The following MAMDC4 variants were observed in gnomAD, a reference collection of about 807,000 sequenced individuals.
The protein encoded by MAMDC4 is apical endosomal glycoprotein.
Under a neutral mutation model 153.3 loss-of-function variants are expected in MAMDC4, and 168 were observed. The ratio of observed to expected loss-of-function variants is 1.10; its 90% CI spans 0.97 to 1.25. The LOEUF is 1.25. Ranked by LOEUF, MAMDC4 falls within the 50% of genes most tolerant of loss-of-function variation. The probability of loss-of-function intolerance (pLI) is 0.00; values close to 1 mark genes in which losing one functional copy is unlikely to be tolerated. For missense variants in MAMDC4, 1,701 were observed against 1,542.8 expected (o/e 1.10, Z -1.72); for synonymous variants, 744 against 651.5 (o/e 1.14, Z -2.16).
At position 136,855,999 on chromosome 9, in the gene MAMDC4, C is replaced by T; in HGVS notation, c.1589-19C>T. The T allele has an allele frequency of 1.2e-6, 2 of 1,603,422 alleles. No individual in the cohort carries two copies. Among genetic ancestry groups the T allele is most frequent in the South Asian group, 1.1e-5 (1 of 89,892 alleles). On this transcript the variant is annotated intron_variant, in intron 13 of 26. Transcript: ENST00000317446. Reference sequence around the variant, plus strand: ...GCCCTGGAAGGGATGAGGCTCTGAGCACCATGCTCTTCCCCTAGGGCACTT... The same window carrying T: ...GCCCTGGAAGGGATGAGGCTCTGAGTACCATGCTCTTCCCCTAGGGCACTT...
rs1383747941 is a variant in MAMDC4 at position 136,853,356 on chromosome 9, C to A, written c.226C>A (p.Arg76=). The part of the protein sequence containing the change: ...CDFEQDPCGW[R]DISTSGYSWL... ...CTTCGAGCAGGACCCCTGCGGCTGG[C>A]GGGACATTAGTACCTCAGGCTACAG... Residue 76 remains arginine, a synonymous_variant, in exon 3 of 27, where the codon CGG becomes AGG. Transcript: ENST00000317446. The A allele has an allele frequency of 1.2e-6, 2 of 1,606,758 alleles. No individual in the cohort carries two copies. Among genetic ancestry groups the A allele is most frequent in the African/African-American group, 2.7e-5 (2 of 74,814 alleles).
rs1256651022 is a variant in MAMDC4 at position 136,856,826 on chromosome 9, G to A, written c.1837G>A (p.Gly613Ser). ...GPDHDHTTGQ[G>S]HFVLLDPTDP... ...TGACCACGACCACACCACAGGCCAA[G>A]GTAGGATGGGCGCTCAGACCGGGGG... The change falls in exon 15 of 27, where the codon GGC (glycine) becomes AGC (serine). Residue 613 changes from glycine (G) to serine (S), a missense_variant and splice_region_variant. By Grantham distance (56) the Gly-to-Ser change is moderately conservative (BLOSUM62 0). Transcript: ENST00000317446. 8 of 1,612,434 alleles carry A rather than the reference G, an allele frequency of 5.0e-6. No homozygotes were observed. The highest frequency in any genetic ancestry group is 6.8e-6 in the Non-Finnish European group (8 of 1,179,806).
chr9:136,853,041 G>T, intron 1 of MAMDC4, 61 bp from the exon 2 acceptor site: 1 of 1,427,474 alleles, frequency 7.0e-7, no homozygotes, highest in Non-Finnish European at 9.8e-7. Context: ...AATAGTCCTA[G>T]GCAGGCTGGG....
chr9:136,858,212 CG>C lies in MAMDC4; in HGVS notation c.2611del (p.Val871TrpfsTer120), dbSNP rs1564388477. The C allele has an allele frequency of 1.3e-6, 2 of 1,597,732 alleles. No homozygotes were observed. The highest frequency in any genetic ancestry group is 3.4e-5 in the Admixed American group (2 of 59,192). ...RVVFEAVAAG[V>X]AHSYVALDDL... is the part of the protein sequence containing the mutation. ...TGGTGTTTGAGGCAGTGGCCGCAGG[CG>C]TGGCACACTCCTACGTGGCTCTGGA... On this transcript the variant is annotated frameshift_variant, in exon 21 of 27. Transcript: ENST00000317446. LOFTEE classifies it high-confidence loss of function.
rs766926431 is a variant in MAMDC4 at position 136,853,904 on chromosome 9, C to T, written c.582C>T (p.Phe194=). 1.9e-6 allele frequency: 3 copies of T among 1,612,646 alleles called. No homozygotes were observed. In the Admixed American group the frequency reaches 5.0e-5, roughly 27 times the overall value. Residue 194 remains phenylalanine, a synonymous_variant, in exon 5 of 27, where the codon TTC becomes TTT. Transcript: ENST00000317446. ...CCACAGGCCGCATCCGGGGTGACTT[C>T]CGAGTGAGCTGGGAGGGTCTGGACG... ...AVTTGRIRGD[F]RVTFSATRNA... is the part of the protein sequence containing the mutation.
rs1362908120 is a variant in MAMDC4, at chr9:136,856,959, C to T, written c.1890C>T (p.Ala630=). Residue 630 remains alanine, a synonymous_variant, in exon 16 of 27, where the codon GCC becomes GCT. Coordinates refer to ENST00000317446, the MANE Select transcript of MAMDC4 (RefSeq NM_206920.3). ...PTDPLAWGHS[A]HLLSRPQVPA... ...ACCCCCTGGCCTGGGGCCACAGTGC[C>T]CACCTGCTCTCCAGGCCCCAGGTGC... is the stretch of plus-strand genomic sequence containing the variant. 6.2e-7 allele frequency: 1 copy of T among 1,612,262 alleles called. No homozygotes were observed. The highest frequency in any genetic ancestry group is 2.2e-5 in the East Asian group (1 of 44,862).
chr9:136,855,155 G>C, intron 10 of MAMDC4, 45 bp downstream of exon 10: 1 of 1,566,282 alleles, frequency 6.4e-7, no homozygotes, highest in African/African-American at 1.4e-5. Flanking sequence ...CGCACTGTGG[G>C]CAGGGGAGGG....
rs1317811271 is a variant in MAMDC4 at position 136,853,413 on chromosome 9, G to A, written c.283G>A (p.Glu95Lys). Reference sequence around the variant, plus strand: ...CCGAGACAGGGCAGGGGCCGCACTGGAGGGTCCTGGGCCTCACTCAGACCA... The same window carrying A: ...CCGAGACAGGGCAGGGGCCGCACTGAAGGGTCCTGGGCCTCACTCAGACCA... The part of the protein sequence containing the change: ...WLRDRAGAAL[E>K]GPGPHSDHTL... Residue 95 changes from glutamate to lysine, a missense_variant, in exon 3 of 27, where the codon GAG (glutamate) becomes AAG (lysine). By Grantham distance (56) the Glu-to-Lys change is moderately conservative. Transcript: ENST00000317446. 6.2e-7 allele frequency: 1 copy of A among 1,603,964 alleles called. No individual in the cohort carries two copies.
At chr9:136,855,132 G>T (rs982619631) in intron 10 of MAMDC4, 22 bp downstream of exon 10, 2 of 1,566,038 alleles carry the variant, frequency 1.3e-6, no homozygotes, top group African/African-American at 1.4e-5. Flanking sequence ...CAAGAGGGTG[G>T]GGTCTGGGGA....
At chr9:136,858,144 C>T in intron 20 of MAMDC4, 42 bp from the exon 21 acceptor site, 1 of 1,538,666 alleles carries the variant, frequency 6.5e-7, no homozygotes. Context: ...CCCCCGAGGG[C>T]TGCCTGGACC....
chr9:136,856,372 G>T, intron 14 of MAMDC4: 1 of 873,292 alleles, frequency 1.1e-6, no homozygotes, highest in Non-Finnish European at 2.0e-6. Flanking sequence ...CCCGCCGCCG[G>T]CCCTTCCGGG....
chr9:136,854,128 A>G, intron 6 of MAMDC4, 52 bp downstream of exon 6: 9 of 1,607,936 alleles, frequency 5.6e-6, no homozygotes, highest in Non-Finnish European at 7.6e-6. Context: ...CCACCTGCCC[A>G]CTCCCCTGCT....
chr9:136,860,469 G>A (rs773352980), intron 26 of MAMDC4, 93 bp from the exon 27 acceptor site: 773 of 1,371,740 alleles, frequency 5.6e-4, no homozygotes, highest in Non-Finnish European at 7.1e-4. Flanking sequence ...TGCAGTGAGC[G>A]AAGATCGTGC....
chr9:136,859,975 C>CG lies in MAMDC4; in HGVS notation c.3285dup (p.Arg1096AlafsTer23). The CG allele has an allele frequency of 6.2e-7, 1 of 1,612,938 alleles. No individual in the cohort carries two copies. Among genetic ancestry groups the CG allele is most frequent in the Non-Finnish European group, 8.5e-7 (1 of 1,179,874 alleles). On this transcript the variant is annotated frameshift_variant, in exon 26 of 27. Coordinates refer to ENST00000317446, the MANE Select transcript of MAMDC4 (RefSeq NM_206920.3). LOFTEE classifies it high-confidence loss of function. ...CCTGGTGCTGCTGGGACTTGGGGGA[C>CG]GGCGCTGGCTGCAGAAGAAGGGGAG...
At chr9:136,853,520 T>C in intron 3 of MAMDC4, 25 bp from the exon 4 acceptor site, 2 of 1,612,440 alleles carry the variant, frequency 1.2e-6, no homozygotes, top group Non-Finnish European at 1.7e-6. Context: ...CCCTGCCCCG[T>C]CTCCTGACCT....
In MAMDC4 at chr9:136,856,119, C is replaced by T; in HGVS notation, c.1690C>T (p.Leu564=). The T allele has an allele frequency of 6.2e-7, 1 of 1,612,552 alleles. No homozygotes were observed. Among genetic ancestry groups the T allele is most frequent in the Non-Finnish European group, 8.5e-7 (1 of 1,179,906 alleles). ...GPSGPSCELH[L]AYYLQSQPRE... ...TTCTGGCCCCAGCTGTGAACTCCAC[C>T]TGGCTTATTATTTACAGAGCCAGCC... is the stretch of plus-strand genomic sequence containing the variant. Residue 564 remains leucine, a synonymous_variant, in exon 14 of 27, where the codon CTG becomes TTG. Transcript: ENST00000317446.
intron 1 of MAMDC4, 55 bp downstream of exon 1, chr9:136,852,517 C>T (rs1262200984): frequency 3.2e-6 from 5 of 1,586,288 alleles, no homozygotes; most frequent in African/African-American, 1.4e-5. Context: ...GCTTCTGAGC[C>T]TACCATCTGT....
At chr9:136,860,469 G>T in intron 26 of MAMDC4, 93 bp from the exon 27 acceptor site, 2 of 1,371,862 alleles carry the variant, frequency 1.5e-6, no homozygotes, top group South Asian at 1.2e-5. Context: ...TGCAGTGAGC[G>T]AAGATCGTGC....
rs761449920 is a variant in MAMDC4 at position 136,854,917 on chromosome 9, G to A, written c.1024-20G>A. ...CTGGCTGCCCCGGTGCAGGCCCCCA[G>A]CCAGCTCTTGGTTCCACAGCTGGTC... On this transcript the variant is annotated intron_variant, in intron 9 of 26. Coordinates refer to ENST00000317446, the MANE Select transcript of MAMDC4 (RefSeq NM_206920.3). The A allele has an allele frequency of 1.9e-6, 3 of 1,612,392 alleles. No homozygotes were observed. Among genetic ancestry groups the A allele is most frequent in the East Asian group, 2.2e-5 (1 of 44,872 alleles).
Sources: gnomAD v4.1 joint callset for allele counts on GRCh38, gnomAD v4.1.1 for gene constraint, MANE v1.5 for transcripts, NCBI Gene and HGNC (gene_info 2026-07-23, HGNC 2026-07-21) for gene names.